Variants in PLD1 observed in about 807,000 individuals in gnomAD.
PLD1 encodes the protein phospholipase D1, also known as choline phosphatase 1.
In PLD1, 112 loss-of-function variants were observed where a neutral mutation model predicts 137.1. The observed-to-expected ratio is 0.82, with a 90% CI of 0.70 to 0.96. PLD1 has a LOEUF of 0.96. Among genes scored for constraint, PLD1 ranks in the 40% least tolerant of loss-of-function variants. The pLI is 0.00. For missense variants in PLD1, 1,321 were observed against 1,342.0 expected (o/e 0.98, Z 0.24); for synonymous variants, 431 against 454.7 (o/e 0.95, Z 0.66).
rs145783398 is a variant in PLD1 at position 171,674,637 on chromosome 3, A to C, written c.2116-24T>G. The C allele has an allele frequency of 7.4e-5, 93 of 1,259,890 alleles. No individual in the cohort carries two copies. In the African/African-American group the frequency reaches 1.2e-3, roughly 17 times the overall value. The allele number at this position is 1,259,890 out of a possible 1,614,324, so 78.0% of individuals were successfully genotyped here. ...ATCTAAAATAAAGAAAAAGGATAAA[A>C]TATTCAAATGAGAAAAAAGATTCAT... On this transcript the variant is annotated intron_variant, in intron 18 of 26. Coordinates refer to ENST00000351298, the MANE Select transcript of PLD1 (RefSeq NM_002662.5).
chr3:171,733,982 C>T (rs765439007), intron 5 of PLD1, among the ~76,000 whole-genome samples: 6 of 152,026 alleles, frequency 3.9e-5, no homozygotes, highest in Non-Finnish European at 8.8e-5. Flanking sequence ...ATATGCTAAA[C>T]TGTGTGTGGA....
chr3:171,744,317 T>G (rs1035645820), intron 1 of PLD1, among the ~76,000 whole-genome samples: 1 of 152,162 alleles, frequency 6.6e-6, no homozygotes, highest in African/African-American at 2.4e-5. Flanking sequence ...CTTCCACCTG[T>G]GCCCGTGCCA....
At position 171,764,973 on chromosome 3, in the gene PLD1, A is replaced by G. The variant is rs1435375312; in HGVS notation, c.-31-26891T>C. ...AAGAAAGAAAGAAAGAAAGAAAGAA[A>G]GAAAGAAAGAAAGAAAGAAAGAAAG... On this transcript the variant is annotated intron_variant, in intron 1 of 26. Transcript: ENST00000351298. Among the ~76,000 whole-genome samples the G allele has an allele frequency of 9.2e-5, 10 of 109,240 alleles. 1 individual carries two copies. The highest frequency in any genetic ancestry group is 1.9e-4 in the Non-Finnish European group (9 of 47,332). 71.7% of individuals were successfully genotyped at this position (109,240 alleles called of 152,430 possible).
intron 19 of PLD1, among the ~76,000 whole-genome samples, chr3:171,671,433 C>T (rs1000409691): frequency 3.9e-5 from 6 of 152,140 alleles, no homozygotes; most frequent in African/African-American, 1.4e-4. Flanking sequence ...AGTTCCTAGT[C>T]GTGATGTCCC....
chr3:171,781,432 T>C (rs1722792237), intron 1 of PLD1, among the ~76,000 whole-genome samples: 1 of 151,902 alleles, frequency 6.6e-6, no homozygotes, highest in Non-Finnish European at 1.5e-5. Flanking sequence ...AAGTTCAAAA[T>C]TTCTGTTCAT....
intron 1 of PLD1, among the ~76,000 whole-genome samples, chr3:171,770,924 A>AGGGGGG (rs1722310918): frequency 6.7e-6 from 1 of 149,380 alleles, no homozygotes; most frequent in Non-Finnish European, 1.5e-5. Context: ...GGGCGGGGGC[A>AGGGGGG]GGGCTGATAT....
chr3:171,780,494 C>T (rs1722755273), intron 1 of PLD1, among the ~76,000 whole-genome samples: 1 of 151,872 alleles, frequency 6.6e-6, no homozygotes, highest in African/African-American at 2.4e-5. Flanking sequence ...TCAGGACTCT[C>T]CAACATTTAA....
At chr3:171,661,735 T>C (rs755490608) in intron 20 of PLD1, among the ~76,000 whole-genome samples, 1 of 152,186 alleles carries the variant, frequency 6.6e-6, no homozygotes, top group Non-Finnish European at 1.5e-5. Context: ...ACTTAAACCC[T>C]CCAACCCAAG....
intron 1 of PLD1, among the ~76,000 whole-genome samples, chr3:171,764,925 GAAAGA>G (rs200846609): frequency 0.11 from 3,130 of 27,804 alleles, 616 homozygotes; most frequent in Non-Finnish European, 0.13. Flanking sequence ...AGAAAGAAAG[GAAAGA>G]AAGGAAAGAA....
chr3:171,764,954 G>GAA (rs1560289656), intron 1 of PLD1, among the ~76,000 whole-genome samples: 1 of 48,626 alleles, frequency 2.1e-5, no homozygotes, highest in Non-Finnish European at 4.5e-5. Flanking sequence ...AAGAAAGAAA[G>GAA]AAAGAAAGAA....
intron 26 of PLD1, among the ~76,000 whole-genome samples, chr3:171,604,355 G>A (rs1279674661): frequency 6.6e-6 from 1 of 150,418 alleles, no homozygotes; most frequent in Non-Finnish European, 1.5e-5. Flanking sequence ...AAAGAAACAA[G>A]GTTATACAGA....
At chr3:171,780,087 C>G (rs1161708584) in intron 1 of PLD1, among the ~76,000 whole-genome samples, 3 of 151,200 alleles carry the variant, frequency 2.0e-5, no homozygotes, top group Non-Finnish European at 4.4e-5. Flanking sequence ...AGATTCAGGA[C>G]TGGGGTTTAT....
At chr3:171,629,940 G>A (rs1170421122) in intron 23 of PLD1, among the ~76,000 whole-genome samples, 3 of 152,086 alleles carry the variant, frequency 2.0e-5, no homozygotes, top group Non-Finnish European at 4.4e-5. Flanking sequence ...TACCATTCAG[G>A]ACATAGGTAT....
intron 1 of PLD1, among the ~76,000 whole-genome samples, chr3:171,746,524 C>T (rs952196439): frequency 3.9e-5 from 6 of 152,134 alleles, no homozygotes; most frequent in Non-Finnish European, 8.8e-5. Context: ...CAACAATCAG[C>T]ACTCTGTGTC....
intron 23 of PLD1, among the ~76,000 whole-genome samples, chr3:171,627,067 T>C (rs1283549389): frequency 1.3e-5 from 2 of 152,026 alleles, no homozygotes; most frequent in Admixed American, 6.5e-5. Flanking sequence ...GACTGGCAAA[T>C]TGGATAAAGA....
At chr3:171,791,713 C>T (rs1372648844) in intron 1 of PLD1, 2 of 152,144 alleles carry the variant, frequency 1.3e-5, no homozygotes, top group African/African-American at 2.4e-5. Flanking sequence ...ATGATATAAA[C>T]GTGTCAGATG....
At chr3:171,783,542 T>C (rs931092985) in intron 1 of PLD1, among the ~76,000 whole-genome samples, 1 of 152,178 alleles carries the variant, frequency 6.6e-6, no homozygotes, top group Non-Finnish European at 1.5e-5. Context: ...AGCATAAAAG[T>C]TGGCAGATGG....
intron 21 of PLD1, among the ~76,000 whole-genome samples, chr3:171,656,823 A>C (rs1737241906): frequency 6.6e-6 from 1 of 152,222 alleles, no homozygotes; most frequent in Non-Finnish European, 1.5e-5. Context: ...CTCACAGTGA[A>C]GTCCTCCAGG....
intron 25 of PLD1, among the ~76,000 whole-genome samples, chr3:171,609,507 AACACACACACACAC>A (rs371080467): frequency 2.1e-4 from 29 of 136,962 alleles, no homozygotes; most frequent in East Asian, 8.7e-4. Flanking sequence ...ACATAAAGAA[AACACACACACACAC>A]ACACACACAC....
Sources: gnomAD v4.1 joint callset for allele counts (sites outside exome capture counted in the v4.1 genomes callset) on GRCh38, gnomAD v4.1.1 for gene constraint, MANE v1.5 for transcripts, NCBI Gene and HGNC (gene_info 2026-07-23, HGNC 2026-07-21) for gene names.